MORC1: variants seen among roughly 807,000 people sequenced by gnomAD.
MORC1 encodes the protein MORC family CW-type zinc finger 1, also known as MORC family CW-type zinc finger protein 1.
Under a neutral mutation model 134.9 loss-of-function variants are expected in MORC1, and 59 were observed. That is an observed-to-expected ratio of 0.44 (90% CI 0.35 to 0.54). The LOEUF is 0.54. Among genes scored for constraint, MORC1 ranks in the 20% least tolerant of loss-of-function variants. The pLI is 0.00. For missense variants in MORC1, 947 were observed against 1,134.5 expected, an observed-to-expected ratio of 0.83 and a Z score of 2.37; for synonymous variants, 395 against 391.7, an observed-to-expected ratio of 1.01 and a Z score of -0.10.
intron 23 of MORC1, among the ~76,000 whole-genome samples, chr3:108,980,872 A>T (rs889501097): frequency 5.9e-5 from 9 of 152,184 alleles, no homozygotes; most frequent in Non-Finnish European, 8.8e-5. Context: ...AGATGGAAAG[A>T]GATGAGATGA....
At chr3:109,002,105 A>G (rs549585094) in intron 20 of MORC1, among the ~76,000 whole-genome samples, 5 of 152,180 alleles carry the variant, frequency 3.3e-5, no homozygotes, top group Non-Finnish European at 7.3e-5. Flanking sequence ...TCTCCATCAG[A>G]GCATGGTCAA....
chr3:109,041,562 A>G (rs955434928), intron 14 of MORC1, among the ~76,000 whole-genome samples: 4 of 151,984 alleles, frequency 2.6e-5, no homozygotes, highest in Non-Finnish European at 5.9e-5. Context: ...AATGCAAAAA[A>G]ATTAGCCCGG....
chr3:109,090,879 C>A (rs961886974), intron 8 of MORC1, among the ~76,000 whole-genome samples: 2 of 151,824 alleles, frequency 1.3e-5, no homozygotes, highest in African/African-American at 4.8e-5. Flanking sequence ...TAAGGGGATA[C>A]AATAATCACC....
chr3:109,000,842 TCCTA>T (rs982622957), intron 20 of MORC1, among the ~76,000 whole-genome samples, 184 bp from the exon 21 acceptor site: 12 of 152,212 alleles, frequency 7.9e-5, no homozygotes, highest in Non-Finnish European at 1.8e-4. Flanking sequence ...ATATCTGCCT[TCCTA>T]ATGCCATGCT....
chr3:109,043,650 G>A (rs573068173), intron 14 of MORC1, among the ~76,000 whole-genome samples: 3 of 152,078 alleles, frequency 2.0e-5, no homozygotes, highest in African/African-American at 4.8e-5. Flanking sequence ...CTGTTGTCAC[G>A]TATTTTTCCT....
intron 17 of MORC1, among the ~76,000 whole-genome samples, chr3:109,012,983 C>T (rs990158998): frequency 2.0e-5 from 3 of 152,150 alleles, no homozygotes; most frequent in Non-Finnish European, 4.4e-5. Flanking sequence ...TCATTCCTGA[C>T]CTTAGTGGGA....
At chr3:109,078,738 TTA>T (rs946852867) in intron 8 of MORC1, among the ~76,000 whole-genome samples, 1 of 151,906 alleles carries the variant, frequency 6.6e-6, no homozygotes, top group African/African-American at 2.4e-5. Flanking sequence ...CAAAACTGTT[TTA>T]TTTTTAAAGT....
intron 12 of MORC1, 97 bp downstream of exon 12, chr3:109,059,709 A>G: frequency 6.1e-6 from 6 of 989,016 alleles, no homozygotes; most frequent in Non-Finnish European, 8.8e-6. Context: ...CTGAAAAAAA[A>G]TTGTCACAAT....
chr3:109,112,133 A>G (rs1031685725), intron 2 of MORC1, among the ~76,000 whole-genome samples: 1 of 152,222 alleles, frequency 6.6e-6, no homozygotes, highest in Non-Finnish European at 1.5e-5. Flanking sequence ...TAGTTTTTTC[A>G]TGCAGCACTT....
chr3:109,117,871 CAAAT>C (rs1432562351), intron 1 of MORC1, 120 bp downstream of exon 1: 20 of 858,272 alleles, frequency 2.3e-5, no homozygotes, highest in African/African-American at 3.4e-5. Context: ...CTATACAGCT[CAAAT>C]AAATAAATAA....
chr3:109,007,301 T>C (rs530664338), intron 17 of MORC1, among the ~76,000 whole-genome samples: 103 of 152,276 alleles, frequency 6.8e-4, no homozygotes, highest in Non-Finnish European at 1.3e-3. Flanking sequence ...AATCCAATGG[T>C]TTGTTGAAGC....
intron 27 of MORC1, among the ~76,000 whole-genome samples, chr3:108,960,184 C>G (rs1469030373): frequency 3.3e-5 from 5 of 152,224 alleles, no homozygotes; most frequent in African/African-American, 4.8e-5. Context: ...CATGCTCTAA[C>G]TGGAGAGGAT....
chr3:108,981,173 A>G (rs373676463), intron 23 of MORC1, among the ~76,000 whole-genome samples: 2 of 152,302 alleles, frequency 1.3e-5, no homozygotes, highest in African/African-American at 2.4e-5. Context: ...AGGTCAGATC[A>G]TGAAGGGTTT....
rs1009703258 is a variant in MORC1, at chr3:108,958,897, G to T, written c.*68C>A. On this transcript the variant is annotated 3_prime_UTR_variant, in exon 28 of 28. Transcript: ENST00000232603. ...ACTTTACAGTAACAACAACAAAAAAGAAAAATTTTTAAAAGAATCTTCCAA... is the reference window on the plus strand; with the variant it reads ...ACTTTACAGTAACAACAACAAAAAATAAAAATTTTTAAAAGAATCTTCCAA... 1 of 1,204,250 alleles carries T rather than the reference G, an allele frequency of 8.3e-7. No individual in the cohort carries two copies. The highest frequency in any genetic ancestry group is 3.0e-5 in the Admixed American group (1 of 33,776). 74.6% of individuals were successfully genotyped at this position (1,204,250 alleles called of 1,614,324 possible).
intron 18 of MORC1, among the ~76,000 whole-genome samples, chr3:109,005,875 T>C (rs1277557591): frequency 6.6e-6 from 1 of 152,200 alleles, no homozygotes; most frequent in African/African-American, 2.4e-5. Flanking sequence ...AGTATTAGTG[T>C]CCACTAGTCA....
At chr3:109,116,386 A>G (rs755048079) in intron 1 of MORC1, among the ~76,000 whole-genome samples, 16 of 152,212 alleles carry the variant, frequency 1.1e-4, no homozygotes, top group Non-Finnish European at 1.6e-4. Context: ...GATTTGAAAC[A>G]TATTTAGAGA....
intron 21 of MORC1, among the ~76,000 whole-genome samples, chr3:108,997,009 C>CAAAAAAAAAAA (rs36087713): frequency 3.2e-5 from 1 of 31,542 alleles, no homozygotes; most frequent in Non-Finnish European, 5.6e-5. Flanking sequence ...GACTCTGTCT[C>CAAAAAAAAAAA]AAAAAAAAAA....
intron 3 of MORC1, chr3:109,110,454 T>C (rs1402737475): frequency 4.5e-5 from 14 of 308,842 alleles, no homozygotes; most frequent in Non-Finnish European, 7.0e-5. Flanking sequence ...TTAATATACT[T>C]TTTAAAAATA....
At chr3:109,072,244 C>G (rs1027628117) in intron 8 of MORC1, among the ~76,000 whole-genome samples, 2 of 152,172 alleles carry the variant, frequency 1.3e-5, no homozygotes, top group Non-Finnish European at 2.9e-5. Context: ...GGACCATTCT[C>G]AGTTCTCCAG....
Sources: allele counts gnomAD v4.1 joint callset (sites outside exome capture counted in the v4.1 genomes callset), GRCh38; gene constraint gnomAD v4.1.1; transcripts MANE v1.5; gene names NCBI Gene and HGNC (gene_info 2026-07-23, HGNC 2026-07-21).